Variants in IRAG2 observed in about 807,000 individuals in gnomAD.
The protein encoded by IRAG2 is inositol 1,4,5-triphosphate receptor associated 2, also known as lymphoid restricted membrane protein.
A neutral mutation model predicts 69.9 loss-of-function variants in IRAG2; 45 were observed. The ratio of observed to expected loss-of-function variants is 0.64; its 90% CI spans 0.51 to 0.83. IRAG2 has a LOEUF of 0.83. Ranked by LOEUF, IRAG2 falls within the 40% of genes least tolerant of loss-of-function variation. The pLI, the probability that IRAG2 is intolerant of heterozygous loss-of-function variation, is 0.00. For synonymous variants in IRAG2, 193 were observed against 202.4 expected, an observed-to-expected ratio of 0.95 and a Z score of 0.40; for missense variants, 520 against 587.0, an observed-to-expected ratio of 0.89 and a Z score of 1.18.
intron 20 of IRAG2, among the ~76,000 whole-genome samples, chr12:25,105,071 GTTTTT>G (rs10583191): frequency 2.3e-5 from 2 of 87,640 alleles, no homozygotes; most frequent in African/African-American, 4.4e-5. Flanking sequence ...CTTGGTCTCA[GTTTTT>G]TTTTTTTTTT....
At chr12:25,074,690 G>T (rs570834993) in intron 6 of IRAG2, among the ~76,000 whole-genome samples, 1 of 152,234 alleles carries the variant, frequency 6.6e-6, no homozygotes, top group South Asian at 2.1e-4. Context: ...CAGCATGAAG[G>T]CCAGAGTATA....
chr12:25,107,713 T>C (rs763465272), intron 21 of IRAG2, 104 bp from the exon 22 acceptor site: 25 of 1,086,256 alleles, frequency 2.3e-5, no homozygotes, highest in East Asian at 1.4e-4. Context: ...AAAGGCAGTT[T>C]TGGGGGTATG....
chr12:25,070,500 A>T (rs1327215003), intron 6 of IRAG2, among the ~76,000 whole-genome samples: 3 of 152,164 alleles, frequency 2.0e-5, no homozygotes, highest in Non-Finnish European at 2.9e-5. Context: ...ATAATATTCC[A>T]CTGTATAGAT....
Position 25,107,986 on chromosome 12 carries a change from G to T in IRAG2, c.1426G>T (p.Asp476Tyr). 6.2e-7 allele frequency: 1 copy of T among 1,614,038 alleles called. No homozygotes were observed. The highest frequency in any genetic ancestry group is 8.5e-7 in the Non-Finnish European group (1 of 1,179,920). Residue 476 changes from aspartate (D) to tyrosine (Y), a missense_variant, in exon 22 of 22, where the codon GAC becomes TAC. Asp to Tyr is a radical substitution (Grantham distance 160, BLOSUM62 -3). Transcript: ENST00000556887. Reference sequence around the variant, plus strand: ...GGATGCCGCTCCCACACAGCAAGAGGACTCATGGACGTCTCTAGAACATAT... The same window carrying T: ...GGATGCCGCTCCCACACAGCAAGAGTACTCATGGACGTCTCTAGAACATAT... The part of the protein sequence containing the change: ...SVDAAPTQQE[D>Y]SWTSLEHILW...
At chr12:25,094,061 T>C (rs1321850788) in intron 14 of IRAG2, among the ~76,000 whole-genome samples, 2 of 150,428 alleles carry the variant, frequency 1.3e-5, no homozygotes, top group African/African-American at 5.0e-5. Context: ...GACTGGGTCC[T>C]TTGATGTATA....
upstream of IRAG2, among the ~76,000 whole-genome samples, chr12:25,003,756 A>T (rs1216641739): frequency 3.9e-5 from 6 of 152,166 alleles, no homozygotes; most frequent in African/African-American, 1.4e-4. Context: ...CACACAGCTG[A>T]TAGGGTTTAT....
intron 10 of IRAG2, among the ~76,000 whole-genome samples, chr12:25,085,558 G>T (rs1317198385): frequency 6.6e-6 from 1 of 152,140 alleles, no homozygotes; most frequent in African/African-American, 2.4e-5. Context: ...GCCCACTAAG[G>T]TCTCGGGTTT....
chr12:25,054,721 T>G (rs529703626), intron 1 of IRAG2, among the ~76,000 whole-genome samples: 1 of 152,358 alleles, frequency 6.6e-6, no homozygotes, highest in African/African-American at 2.4e-5. Context: ...TACTTGTTAC[T>G]TGTATCTTTT....
At chr12:25,107,337 G>C (rs1336074819) in intron 21 of IRAG2, among the ~76,000 whole-genome samples, 2 of 151,890 alleles carry the variant, frequency 1.3e-5, no homozygotes, top group Non-Finnish European at 2.9e-5. Context: ...TTTGTTATAG[G>C]CATGTATCCA....
At chr12:25,089,577 C>CT in intron 11 of IRAG2, 37 bp from the exon 12 acceptor site, 1 of 1,344,714 alleles carries the variant, frequency 7.4e-7, no homozygotes, top group Non-Finnish European at 1.0e-6. Context: ...CAGGTCAAGC[C>CT]TTTTTAACCA....
chr12:25,020,858 A>C (rs1173821508), exon 7 of IRAG2: 17 of 1,231,966 alleles, frequency 1.4e-5, no homozygotes, highest in Non-Finnish European at 1.5e-5. Flanking sequence ...CTTAGTATGA[A>C]TGCTTCAGAA....
intron 4 of IRAG2, among the ~76,000 whole-genome samples, chr12:25,064,942 T>C (rs1945871540): frequency 1.3e-5 from 2 of 152,044 alleles, no homozygotes; most frequent in South Asian, 4.2e-4. Context: ...ATACAAAAAT[T>C]AGCTGGGCAT....
chr12:25,097,822 C>T (rs1948511195), intron 15 of IRAG2, among the ~76,000 whole-genome samples: 1 of 152,220 alleles, frequency 6.6e-6, no homozygotes, highest in Admixed American at 6.5e-5. Context: ...ATAAGCCTTA[C>T]TAATTTCCCG....
upstream of IRAG2, chr12:25,052,488 C>T (rs542267928): frequency 2.8e-5 from 11 of 395,996 alleles, no homozygotes; most frequent in African/African-American, 2.1e-4. Context: ...CAGTCCCTAG[C>T]GACTAACAGT....
At chr12:25,102,062 A>G in intron 16 of IRAG2, 136 bp from the exon 17 acceptor site, 1 of 714,590 alleles carries the variant, frequency 1.4e-6, no homozygotes, top group Non-Finnish European at 2.6e-6. Flanking sequence ...TGATAAACAG[A>G]TATTTATATT....
intron 1 of IRAG2, among the ~76,000 whole-genome samples, chr12:25,054,816 A>G (rs187965807): frequency 2.0e-5 from 3 of 152,310 alleles, no homozygotes; most frequent in Admixed American, 6.5e-5. Context: ...TTTAAATTCA[A>G]TCTTTGAGAG....
intron 6 of IRAG2, among the ~76,000 whole-genome samples, chr12:25,071,554 G>A (rs1349827611): frequency 1.3e-5 from 2 of 152,136 alleles, no homozygotes; most frequent in African/African-American, 2.4e-5. Context: ...TTGTACAAAA[G>A]CATTCCCACA....
At chr12:25,033,303 C>A (rs907143092) in intron 12 of IRAG2, among the ~76,000 whole-genome samples, 1 of 152,106 alleles carries the variant, frequency 6.6e-6, no homozygotes, top group Non-Finnish European at 1.5e-5. Context: ...TCACCTCTTT[C>A]CTAACACACA....
intron 13 of IRAG2, among the ~76,000 whole-genome samples, chr12:25,034,479 T>C (rs893955613): frequency 1.3e-5 from 2 of 152,230 alleles, no homozygotes; most frequent in East Asian, 3.8e-4. Flanking sequence ...AAAATGAATT[T>C]ATTAGTTTAA....
Sources: allele counts gnomAD v4.1 joint callset (sites outside exome capture counted in the v4.1 genomes callset), GRCh38; gene constraint gnomAD v4.1.1; transcripts MANE v1.5; gene names NCBI Gene and HGNC (gene_info 2026-07-23, HGNC 2026-07-21).